Variants in PKM observed in about 807,000 individuals in gnomAD.
The protein encoded by PKM is pyruvate kinase M1/2, also known as pyruvate kinase PKM.
Under a neutral mutation model 49.8 loss-of-function variants are expected in PKM, and 18 were observed. That is an observed-to-expected ratio of 0.36 (90% CI 0.25 to 0.54). The LOEUF is 0.54. Among genes scored for constraint, PKM ranks in the 20% least tolerant of loss-of-function variants. The probability of loss-of-function intolerance (pLI) is 0.89; values close to 1 mark genes in which losing one functional copy is unlikely to be tolerated. For synonymous variants in PKM, 239 were observed against 261.8 expected (o/e 0.91, Z 0.84); for missense variants, 508 against 713.8 (o/e 0.71, Z 3.28).
In PKM at chr15:72,209,784, A is replaced by C. The variant is rs368549979; in HGVS notation, c.454T>G (p.Cys152Gly). ...ITLDNAYMEK[C>G]DENILWLDYK... ...TCCAGCCACAGGATGTTCTCGTCAC[A>C]CTTTTCCATGTAGGCGTTATCCAGC... The change falls in exon 5 of 11, where the codon TGT (cysteine) becomes GGT (glycine). Residue 152 changes from cysteine to glycine, a missense_variant. Physicochemically the swap from Cys to Gly is radical, Grantham distance 159 (BLOSUM62 -3). Coordinates refer to ENST00000335181, the MANE Select transcript of PKM (RefSeq NM_002654.6). The C allele has an allele frequency of 3.5e-5, 56 of 1,613,872 alleles. No homozygotes were observed. The highest frequency in any genetic ancestry group is 4.6e-5 in the Non-Finnish European group (54 of 1,179,990).
chr15:72,209,396 AATATAT>A (rs1182751717), intron 5 of PKM: 24 of 78,984 alleles, frequency 3.0e-4, no homozygotes, highest in African/African-American at 1.4e-3. Context: ...CAGCGAAACA[AATATAT>A]ATATATATAT....
rs781245945 is a variant in PKM, at chr15:72,206,812, G to T, written c.1056C>A (p.Val352=). Residue 352 remains valine, a synonymous_variant, in exon 8 of 11, where the codon GTC becomes GTA. Transcript: ENST00000335181. ...GCATGATGCAGTCGGCTCCATCCAG[G>T]ACTGCATTGGCCACATCACTGCCTT... is the stretch of plus-strand genomic sequence containing the variant. ...RAEGSDVANA[V]LDGADCIMLS... 4.3e-6 allele frequency: 7 copies of T among 1,614,054 alleles called. No individual in the cohort carries two copies. In the Admixed American group the frequency reaches 1.0e-4, roughly 23 times the overall value.
Position 72,210,324 on chromosome 15 carries a change from C to T in PKM, c.378+23G>A, listed in dbSNP as rs189006566. On this transcript the variant is annotated intron_variant, in intron 4 of 10. Coordinates refer to ENST00000335181, the MANE Select transcript of PKM (RefSeq NM_002654.6). ...GGCATATTGCCTACTGAGCCTTCCC[C>T]TCGCTCTCCGCAGAATACTCACGCC... The T allele has an allele frequency of 1.0e-4, 166 of 1,611,788 alleles. No individual in the cohort carries two copies. The African/African-American group carries it at 1.8e-3, about 18-fold the overall frequency.
chr15:72,205,633 T>G (rs1036545185), intron 8 of PKM, among the ~76,000 whole-genome samples: 280 of 150,816 alleles, frequency 1.9e-3, no homozygotes, highest in African/African-American at 3.7e-3. Flanking sequence ...AGTTTTTTTT[T>G]TTTTTTTTTT....
At chr15:72,213,410 A>C (rs2082302726) in intron 3 of PKM, among the ~76,000 whole-genome samples, 1 of 152,214 alleles carries the variant, frequency 6.6e-6, no homozygotes, top group South Asian at 2.1e-4. Context: ...CAATTCAGCC[A>C]CTAAAATCAT....
At chr15:72,218,645 C>T (rs1480862516) in intron 2 of PKM, among the ~76,000 whole-genome samples, 1 of 148,366 alleles carries the variant, frequency 6.7e-6, no homozygotes, top group African/African-American at 2.5e-5. Context: ...TCAGGCTGGT[C>T]TCAAATTTCG....
At chr15:72,226,343 C>A (rs2082668007) in intron 1 of PKM, among the ~76,000 whole-genome samples, 1 of 152,006 alleles carries the variant, frequency 6.6e-6, no homozygotes, top group Non-Finnish European at 1.5e-5. Context: ...CTGGCTAACA[C>A]AGTGAAACCC....
intron 3 of PKM, among the ~76,000 whole-genome samples, chr15:72,211,646 G>A (rs1280546096): frequency 6.6e-6 from 1 of 151,798 alleles, no homozygotes; most frequent in African/African-American, 2.4e-5. Flanking sequence ...GCGAAACCTC[G>A]TCTCTACAAA....
chr15:72,227,744 C>CA (rs34876633), intron 1 of PKM, among the ~76,000 whole-genome samples: 64 of 10,740 alleles, frequency 6.0e-3, no homozygotes, highest in African/African-American at 0.018. Flanking sequence ...AAAACTATCT[C>CA]AAAAAAAAAA....
At chr15:72,204,849 T>C (rs1272121730) in intron 8 of PKM, among the ~76,000 whole-genome samples, 3 of 152,182 alleles carry the variant, frequency 2.0e-5, no homozygotes, top group African/African-American at 7.2e-5. Context: ...TTTGAGACCA[T>C]GAAGTCACAC....
chr15:72,216,704 G>A (rs1306483741), intron 3 of PKM, among the ~76,000 whole-genome samples: 1 of 152,214 alleles, frequency 6.6e-6, no homozygotes, highest in Middle Eastern at 3.2e-3. Flanking sequence ...ATCTGGCAAT[G>A]GAGGCAGGAA....
intron 1 of PKM, chr15:72,228,562 A>G: frequency 9.9e-7 from 1 of 1,012,002 alleles, no homozygotes; most frequent in Non-Finnish European, 1.4e-6. Flanking sequence ...ACCACAATGT[A>G]GTTTCCCCAC....
At chr15:72,206,273 C>A in intron 8 of PKM, 1 of 192,238 alleles carries the variant, frequency 5.2e-6, no homozygotes, top group South Asian at 9.4e-5. Context: ...GGATGCGGGG[C>A]AGAGGGAACT....
At chr15:72,231,516 A>T (rs1451591343), upstream of PKM, 5 of 152,436 alleles carry the variant, frequency 3.3e-5, no homozygotes, top group African/African-American at 9.7e-5. Context: ...GCGCCGGGCC[A>T]CCTGTTGCCG....
chr15:72,229,644 T>C (rs1401467239), intron 1 of PKM: 2 of 1,257,630 alleles, frequency 1.6e-6, no homozygotes, highest in South Asian at 1.3e-5. Context: ...CGAGGCTTCC[T>C]GTCCCCCTCC....
Position 72,200,796 on chromosome 15 carries a change from C to A in PKM, c.1308-141G>T. On this transcript the variant is annotated intron_variant, in intron 9 of 10. Transcript: ENST00000335181. This position sits in a 1 kb window ranked among gnomAD's most constrained non-coding sequence, Gnocchi z 4.6. ...TCAACATCTGCTCCCTAGGACCCCT[C>A]CCGAGGCTCGGGCAGCCCCTCATCC... The A allele has an allele frequency of 1.4e-6, 1 of 697,616 alleles. No individual in the cohort carries two copies. The highest frequency in any genetic ancestry group is 2.4e-6 in the Non-Finnish European group (1 of 421,558). The allele number at this position is 697,616 out of a possible 1,614,324, so 43.2% of individuals were successfully genotyped here. A position where few individuals can be genotyped will look rare whatever the true frequency, so the allele number is the denominator to read the frequency against.
chr15:72,229,421 T>C (rs2082779603), intron 1 of PKM: 1 of 486,764 alleles, frequency 2.1e-6, no homozygotes, highest in Non-Finnish European at 3.7e-6. Context: ...AAACGCCTTT[T>C]TGACAACTTC....
chr15:72,227,604 G>A (rs1316440123), intron 1 of PKM, among the ~76,000 whole-genome samples: 2 of 151,792 alleles, frequency 1.3e-5, no homozygotes, highest in African/African-American at 4.8e-5. Context: ...ATATTAGCTG[G>A]GCGTGGTGCA....
At chr15:72,229,955 C>T (rs369519976) in intron 1 of PKM, among the ~76,000 whole-genome samples, 1 of 151,756 alleles carries the variant, frequency 6.6e-6, no homozygotes, top group Admixed American at 6.6e-5. Flanking sequence ...AAGAAAGAAA[C>T]GTGCCGGAGA....
Sources: allele counts gnomAD v4.1 joint callset (sites outside exome capture counted in the v4.1 genomes callset), GRCh38; gene constraint gnomAD v4.1.1; non-coding constraint Gnocchi (gnomAD v3.1); transcripts MANE v1.5; gene names NCBI Gene and HGNC (gene_info 2026-07-23, HGNC 2026-07-21).